The following CAB39L variants were observed in gnomAD, a reference collection of about 807,000 sequenced individuals.
The protein encoded by CAB39L is calcium-binding protein 39-like.
Under a neutral mutation model 39.1 loss-of-function variants are expected in CAB39L, and 23 were observed. The ratio of observed to expected loss-of-function variants is 0.59; its 90% CI spans 0.42 to 0.83. The LOEUF is 0.83. Among genes scored for constraint, CAB39L ranks in the 40% least tolerant of loss-of-function variants. The pLI, the probability that CAB39L is intolerant of heterozygous loss-of-function variation, is 0.00. For missense variants in CAB39L, 366 were observed against 391.9 expected (o/e 0.93, Z 0.56); for synonymous variants, 126 against 137.2 (o/e 0.92, Z 0.57).
chr13:49,373,738 C>T (rs768608349), intron 5 of CAB39L, among the ~76,000 whole-genome samples: 6 of 151,530 alleles, frequency 4.0e-5, no homozygotes, highest in Non-Finnish European at 7.4e-5. Context: ...GTGTGGCAAA[C>T]ACAGTCCTCG....
intron 5 of CAB39L, among the ~76,000 whole-genome samples, chr13:49,363,403 T>C (rs554896567): frequency 2.0e-5 from 3 of 152,206 alleles, no homozygotes; most frequent in African/African-American, 4.8e-5. Context: ...CATTTCTTTA[T>C]GTAATTAGTA....
chr13:49,370,125 C>G (rs9568190), intron 5 of CAB39L, among the ~76,000 whole-genome samples: 81,235 of 151,720 alleles, frequency 0.54, 22,212 homozygotes, highest in East Asian at 0.65. Context: ...AACAGTCTAC[C>G]GGGTGAGGGG....
chr13:49,392,339 T>C (rs1466826037), intron 3 of CAB39L, among the ~76,000 whole-genome samples: 1 of 152,074 alleles, frequency 6.6e-6, no homozygotes, highest in Non-Finnish European at 1.5e-5. Context: ...AAGGAAGTCA[T>C]TGCTTGAAAG....
chr13:49,355,475 T>C (rs954237875), intron 6 of CAB39L, among the ~76,000 whole-genome samples: 4 of 152,250 alleles, frequency 2.6e-5, no homozygotes, highest in African/African-American at 7.2e-5. Context: ...AGCAACCAGA[T>C]TGTAGTCTCT....
intron 5 of CAB39L, among the ~76,000 whole-genome samples, chr13:49,366,681 C>T (rs900753625): frequency 6.9e-6 from 1 of 145,884 alleles, no homozygotes; most frequent in African/African-American, 2.5e-5. Flanking sequence ...CCCTCCAAAA[C>T]CCAACCCCCC....
intron 3 of CAB39L, among the ~76,000 whole-genome samples, chr13:49,429,297 T>C (rs756597596): frequency 5.3e-5 from 8 of 152,200 alleles, no homozygotes; most frequent in Non-Finnish European, 1.2e-4. Context: ...CTTATTATGT[T>C]GCCCAAGCTG....
At chr13:49,426,906 G>A (rs897415555) in intron 3 of CAB39L, among the ~76,000 whole-genome samples, 4 of 152,152 alleles carry the variant, frequency 2.6e-5, no homozygotes, top group African/African-American at 7.2e-5. Flanking sequence ...TATGAAGGTT[G>A]AGGAAAATTA....
intron 3 of CAB39L, chr13:49,401,497 C>A (rs1430890129): frequency 6.6e-6 from 1 of 152,214 alleles, no homozygotes; most frequent in Non-Finnish European, 1.5e-5. Context: ...GTCAAACCAG[C>A]TTGCTTATGC....
chr13:49,443,856 C>T, intron 1 of CAB39L, 130 bp downstream of exon 1: 1 of 440,194 alleles, frequency 2.3e-6, no homozygotes, highest in South Asian at 1.6e-5. Flanking sequence ...CGCTGGGTCT[C>T]CTCCCTTAGG....
intron 7 of CAB39L, among the ~76,000 whole-genome samples, chr13:49,350,137 A>T (rs564112020): frequency 5.9e-5 from 9 of 152,316 alleles, no homozygotes; most frequent in African/African-American, 1.9e-4. Flanking sequence ...TAACAATGTG[A>T]ATATATTGCA....
chr13:49,386,431 A>G (rs1956362244), intron 3 of CAB39L, among the ~76,000 whole-genome samples: 1 of 152,150 alleles, frequency 6.6e-6, no homozygotes. Flanking sequence ...AACAAGAAAA[A>G]CACAATCCCT....
chr13:49,412,660 C>G (rs61948294), intron 3 of CAB39L, among the ~76,000 whole-genome samples: 53,595 of 152,030 alleles, frequency 0.35, 9,828 homozygotes, highest in Middle Eastern at 0.42. Flanking sequence ...CAACCTTTTT[C>G]GCACCAGAGG....
chr13:49,438,666 T>C (rs1319145039), intron 1 of CAB39L, among the ~76,000 whole-genome samples: 1 of 152,250 alleles, frequency 6.6e-6, no homozygotes, highest in Non-Finnish European at 1.5e-5. Context: ...TGATTTTCTT[T>C]GCAAGTGACC....
rs1183302847 is a variant in CAB39L, at chr13:49,443,985, C to T, written c.-246+1G>A. 1.3e-5 allele frequency: 6 copies of T among 456,808 alleles called. No homozygotes were observed. In the East Asian group the frequency reaches 3.5e-4, roughly 26 times the overall value. The allele number at this position is 456,808 out of a possible 1,614,324, so 28.3% of individuals were successfully genotyped here. A position where few individuals can be genotyped will look rare whatever the true frequency, so the allele number is the denominator to read the frequency against. On this transcript the variant is annotated splice_donor_variant, in intron 1 of 10. Transcript: ENST00000409308. LOFTEE classifies it low-confidence loss of function (5UTR_SPLICE). ...ACACAAGATGGCAGCCTCACACCTA[C>T]CGGAGGAAACAGCTGCGCCACCACT...
intron 5 of CAB39L, among the ~76,000 whole-genome samples, chr13:49,371,163 AT>A (rs542335674): frequency 4.2e-5 from 6 of 144,514 alleles, no homozygotes; most frequent in East Asian, 2.0e-4. Context: ...GTAAAGAGCC[AT>A]TTTTTTTTCT....
At chr13:49,339,579 T>G (rs1954945326) in intron 9 of CAB39L, 98 bp downstream of exon 9, 1 of 1,223,282 alleles carries the variant, frequency 8.2e-7, no homozygotes, top group African/African-American at 1.6e-5. Context: ...AAAAGGATAT[T>G]TTAATTTTTC....
chr13:49,425,561 G>T (rs1957233114), intron 3 of CAB39L, among the ~76,000 whole-genome samples: 2 of 152,020 alleles, frequency 1.3e-5, no homozygotes, highest in Admixed American at 6.5e-5. Context: ...AAAATTATTT[G>T]GTAAACTATG....
At chr13:49,408,918 AC>A (rs111301722) in intron 3 of CAB39L, among the ~76,000 whole-genome samples, 2 of 152,118 alleles carry the variant, frequency 1.3e-5, no homozygotes, top group South Asian at 4.1e-4. Flanking sequence ...GACCAAAAAA[AC>A]CCAGACCTTC....
chr13:49,428,374 T>C (rs1229615990), intron 3 of CAB39L, among the ~76,000 whole-genome samples: 1 of 152,212 alleles, frequency 6.6e-6, no homozygotes, highest in Non-Finnish European at 1.5e-5. Context: ...GAGCAAGTGA[T>C]CAGCAAAAGC....
Sources: allele counts gnomAD v4.1 joint callset (sites outside exome capture counted in the v4.1 genomes callset), GRCh38; gene constraint gnomAD v4.1.1; transcripts MANE v1.5; gene names NCBI Gene and HGNC (gene_info 2026-07-23, HGNC 2026-07-21).